The following STARD13 variants were observed in gnomAD, a reference collection of about 807,000 sequenced individuals.
STARD13 encodes the protein stAR-related lipid transfer protein 13.
Under a neutral mutation model 106.4 loss-of-function variants are expected in STARD13, and 62 were observed. The ratio of observed to expected loss-of-function variants is 0.58; its 90% CI spans 0.48 to 0.72. STARD13 has a LOEUF of 0.72. Ranked by LOEUF, STARD13 falls within the 30% of genes least tolerant of loss-of-function variation. STARD13 has a pLI of 0.00. For missense variants in STARD13, 1,387 were observed against 1,424.0 expected, an observed-to-expected ratio of 0.97 and a Z score of 0.42; for synonymous variants, 565 against 553.0, an observed-to-expected ratio of 1.02 and a Z score of -0.31.
rs113921307 is a variant in STARD13, at chr13:33,292,509, G to T, written c.124+57781C>A. On this transcript the variant is annotated intron_variant, in intron 1 of 5. Coordinates refer to the STARD13 transcript ENST00000567873. The stretch of plus-strand genomic sequence containing the variant: ...CCATCTAATTGGAAGGCTGAGGTAG[G>T]AGCATGACTTGAGCCTGGGAGGTCA... 5.9e-3 allele frequency among the ~76,000 whole-genome samples: 892 copies of T among 151,714 alleles called. 10 individuals are homozygous for T. The highest frequency in any genetic ancestry group is 0.02 in the African/African-American group (832 of 41,312).
At chr13:33,483,148 A>T in the STARD13 span, among the ~76,000 whole-genome samples, 1 of 152,232 alleles carries the variant, frequency 6.6e-6, no homozygotes, top group East Asian at 1.9e-4. Flanking sequence ...CACATAATCA[A>T]CAAGAACCTA....
At chr13:33,493,468 T>C in the STARD13 span, among the ~76,000 whole-genome samples, 1 of 152,166 alleles carries the variant, frequency 6.6e-6, no homozygotes, top group Non-Finnish European at 1.5e-5. Flanking sequence ...ATCATACTGA[T>C]TCGTCAATCA....
At chr13:33,229,875 G>A (rs1233880221) in intron 1 of STARD13, among the ~76,000 whole-genome samples, 1 of 152,214 alleles carries the variant, frequency 6.6e-6, no homozygotes, top group African/African-American at 2.4e-5. Flanking sequence ...TTGTCCCCCA[G>A]GAGTTAAACC....
the STARD13 span, among the ~76,000 whole-genome samples, chr13:33,360,264 G>A: frequency 6.6e-5 from 10 of 151,712 alleles, no homozygotes; most frequent in Non-Finnish European, 7.4e-5. Context: ...TAGTGCCATG[G>A]CGCCATCTTG....
rs144780226 is a variant in STARD13 at position 33,211,839 on chromosome 13, G to A, written c.170-44217C>T. Among the ~76,000 whole-genome samples the A allele has an allele frequency of 1.2e-3, 183 of 151,588 alleles. 6 individuals are homozygous for A. The East Asian group carries it at 0.031, about 26-fold the overall frequency. ...TGTGTGTGTGTGTATGTGTGTGTGTGTGTGTGTGTATGACACATATTCATA... is the reference window on the plus strand; with the variant it reads ...TGTGTGTGTGTGTATGTGTGTGTGTATGTGTGTGTATGACACATATTCATA... On this transcript the variant is annotated intron_variant, in intron 1 of 13. Coordinates refer to ENST00000336934, the MANE Select transcript of STARD13 (RefSeq NM_178006.4).
intron 1 of STARD13, among the ~76,000 whole-genome samples, chr13:33,177,754 G>A (rs1396649990): frequency 9.8e-6 from 1 of 102,206 alleles, no homozygotes; most frequent in African/African-American, 3.9e-5. Context: ...AAGGAAAAAA[G>A]GAAGGAAGGA....
the STARD13 span, among the ~76,000 whole-genome samples, chr13:33,415,682 G>A: frequency 9.9e-5 from 15 of 151,782 alleles, no homozygotes; most frequent in African/African-American, 3.4e-4. Context: ...TATAATGCTG[G>A]TTTCATAAAC....
downstream of STARD13, among the ~76,000 whole-genome samples, chr13:33,344,346 C>T (rs959848649): frequency 2.0e-5 from 3 of 152,098 alleles, no homozygotes; most frequent in African/African-American, 7.2e-5. Flanking sequence ...GTAGTATCAT[C>T]TCAAAAGATG....
At chr13:33,340,119 T>A (rs1308009121) in intron 1 of STARD13, among the ~76,000 whole-genome samples, 1 of 152,242 alleles carries the variant, frequency 6.6e-6, no homozygotes, top group East Asian at 1.9e-4. Context: ...AGGGGTAGAT[T>A]AGCATAATTT....
the STARD13 span, among the ~76,000 whole-genome samples, chr13:33,446,985 T>C: frequency 6.6e-6 from 1 of 152,230 alleles, no homozygotes; most frequent in Non-Finnish European, 1.5e-5. Context: ...ACTTGTTCTC[T>C]CTCTTTCTGT....
chr13:33,438,995 T>C, the STARD13 span, among the ~76,000 whole-genome samples: 1 of 152,204 alleles, frequency 6.6e-6, no homozygotes, highest in East Asian at 1.9e-4. Flanking sequence ...CTACAAGATA[T>C]GAAGAATACA....
the STARD13 span, among the ~76,000 whole-genome samples, chr13:33,586,171 A>C: frequency 4.6e-5 from 7 of 152,264 alleles, no homozygotes; most frequent in Non-Finnish European, 7.3e-5. Context: ...TCACATATCA[A>C]TGCTCCTTGA....
intron 2 of STARD13, among the ~76,000 whole-genome samples, chr13:33,167,328 A>G (rs77645961): frequency 0.036 from 5,488 of 152,258 alleles, 347 homozygotes; most frequent in African/African-American, 0.13. Flanking sequence ...AGAGATGGGA[A>G]TTAGTAGTGG....
chr13:33,564,512 A>G, the STARD13 span, among the ~76,000 whole-genome samples: 1 of 146,810 alleles, frequency 6.8e-6, no homozygotes, highest in Admixed American at 7.0e-5. Context: ...TAGAACTACC[A>G]TATGTAGTTT....
At chr13:33,556,856 C>T in the STARD13 span, among the ~76,000 whole-genome samples, 1 of 152,028 alleles carries the variant, frequency 6.6e-6, no homozygotes. Flanking sequence ...TGGGTTCAAG[C>T]GATCCTCCCA....
the STARD13 span, among the ~76,000 whole-genome samples, chr13:33,510,377 G>A: frequency 2.2e-4 from 34 of 152,136 alleles, 1 homozygote; most frequent in Non-Finnish European, 4.7e-4. Flanking sequence ...TATGGATACT[G>A]GGCAGCCAAG....
the STARD13 span, among the ~76,000 whole-genome samples, chr13:33,427,094 C>T: frequency 6.6e-6 from 1 of 152,144 alleles, no homozygotes; most frequent in Non-Finnish European, 1.5e-5. Flanking sequence ...CATGTGCAGG[C>T]ATCAAAATTA....
the STARD13 span, among the ~76,000 whole-genome samples, chr13:33,421,539 C>G: frequency 6.6e-6 from 1 of 152,170 alleles, no homozygotes; most frequent in African/African-American, 2.4e-5. Flanking sequence ...GTTACCATTA[C>G]TTCTGAAACT....
At chr13:33,566,167 A>G in the STARD13 span, among the ~76,000 whole-genome samples, 1 of 148,540 alleles carries the variant, frequency 6.7e-6, no homozygotes, top group African/African-American at 2.5e-5. Context: ...TGAGTACAGT[A>G]CAATAAAATA....
Sources: gnomAD v4.1 joint callset for allele counts (sites outside exome capture counted in the v4.1 genomes callset) on GRCh38, gnomAD v4.1.1 for gene constraint, MANE v1.5 for transcripts, NCBI Gene and HGNC (gene_info 2026-07-23, HGNC 2026-07-21) for gene names.